The following ARID4A variants were observed in gnomAD, a reference collection of about 807,000 sequenced individuals.
ARID4A encodes the protein AT-rich interaction domain 4A.
ARID4A carries 39 observed loss-of-function variants against 148.6 expected under a neutral mutation model. The observed-to-expected ratio is 0.26, with a 90% CI of 0.20 to 0.34. The LOEUF (loss-of-function observed/expected upper bound fraction) is 0.34, where lower values mean the gene tolerates loss of function less well. ARID4A is among the 10% of genes least tolerant of loss of function. The pLI is 1.00. For missense variants in ARID4A, 1,265 were observed against 1,449.1 expected (o/e 0.87, Z 2.06); for synonymous variants, 475 against 481.2 (o/e 0.99, Z 0.17).
At chr14:58,370,954 A>G (rs1176388819) in intron 23 of ARID4A, among the ~76,000 whole-genome samples, 2 of 152,058 alleles carry the variant, frequency 1.3e-5, no homozygotes, top group African/African-American at 2.4e-5. Flanking sequence ...TGTTTTTATA[A>G]TGAGTTATTA....
chr14:58,304,363 A>G (rs985338082), intron 3 of ARID4A, among the ~76,000 whole-genome samples: 3 of 152,194 alleles, frequency 2.0e-5, no homozygotes, highest in Non-Finnish European at 4.4e-5. Flanking sequence ...CTTACCATAC[A>G]TTACCTAGAT....
intron 11 of ARID4A, among the ~76,000 whole-genome samples, chr14:58,330,695 A>C (rs1459701772): frequency 2.0e-5 from 3 of 152,200 alleles, no homozygotes; most frequent in Admixed American, 1.3e-4. Flanking sequence ...GGTTAAAAAA[A>C]ATCCTATCCA....
chr14:58,366,450 A>C (rs550125839), intron 22 of ARID4A, among the ~76,000 whole-genome samples: 1 of 152,330 alleles, frequency 6.6e-6, no homozygotes, highest in East Asian at 1.9e-4. Flanking sequence ...GAAGGTCTCC[A>C]TTAAGAAGCC....
chr14:58,364,217 T>G lies in ARID4A; in HGVS notation c.2128T>G (p.Leu710Val). 3 of 1,489,432 alleles carry G rather than the reference T, an allele frequency of 2.0e-6. No homozygotes were observed. The highest frequency in any genetic ancestry group is 2.7e-6 in the Non-Finnish European group (3 of 1,120,712). 92.3% of individuals were successfully genotyped at this position (1,489,432 alleles called of 1,614,324 possible). A position where few individuals can be genotyped will look rare whatever the true frequency, so the allele number is the denominator to read the frequency against. ...AACAGAAGATGCTTTAGAAAAGAAT[T>G]TAATAAATGAAGAACTTTCTCTTAA... ...SETEDALEKN[L>V]INEELSLKDE... Residue 710 changes from leucine (L) to valine (V), a missense_variant, in exon 20 of 24, where the codon TTA becomes GTA. Physicochemically the swap from Leu to Val is conservative, Grantham distance 32. This residue lies in a region of ARID4A where 666 missense variants were observed against 730.9 expected (regional missense o/e 0.91). Transcript: ENST00000355431.
intron 17 of ARID4A, among the ~76,000 whole-genome samples, chr14:58,357,509 A>G (rs186666701): frequency 2.3e-4 from 35 of 152,182 alleles, no homozygotes; most frequent in African/African-American, 7.0e-4. Flanking sequence ...AGTTTGTCCA[A>G]CCTGTGGCCC....
chr14:58,299,777 T>C (rs1164944031), intron 1 of ARID4A, 21 bp from the exon 2 acceptor site: 1 of 1,600,742 alleles, frequency 6.2e-7, no homozygotes, highest in Non-Finnish European at 8.6e-7. Context: ...TGTCTGTGCC[T>C]GTCTTTCCCC....
rs556115866 is a variant in ARID4A at position 58,359,086 on chromosome 14, T to C, written c.1854-46T>C. 214 of 1,527,022 alleles carry C rather than the reference T, an allele frequency of 1.4e-4. 1 individual carries two copies. The South Asian group carries it at 2.5e-3, about 18-fold the overall frequency. The allele number at this position is 1,527,022 out of a possible 1,614,324, so 94.6% of individuals were successfully genotyped here. On this transcript the variant is annotated intron_variant, in intron 17 of 23. Coordinates refer to ENST00000355431, the MANE Select transcript of ARID4A (RefSeq NM_002892.4). ...TGAATACATTTCAAAAAGGTTATAATGTATAAAGTTTGTACAAACTCTTTT... is the reference window on the plus strand; with the variant it reads ...TGAATACATTTCAAAAAGGTTATAACGTATAAAGTTTGTACAAACTCTTTT...
chr14:58,328,367 A>T, intron 9 of ARID4A, 51 bp downstream of exon 9: 1 of 1,227,276 alleles, frequency 8.1e-7, no homozygotes. Context: ...AAAAAAATAG[A>T]ATTACAATGA....
chr14:58,359,107 C>CTTTTTTT, intron 17 of ARID4A, 25 bp from the exon 18 acceptor site: 3 of 1,298,532 alleles, frequency 2.3e-6, no homozygotes, highest in Non-Finnish European at 3.1e-6. Context: ...TGTACAAACT[C>CTTTTTTT]TTTTTTTTTT....
At chr14:58,336,891 TTTTC>T (rs2140208469) in intron 11 of ARID4A, among the ~76,000 whole-genome samples, 1 of 151,708 alleles carries the variant, frequency 6.6e-6, no homozygotes, top group South Asian at 2.1e-4. Flanking sequence ...TTCTTTTTTC[TTTTC>T]TTTTTTTTTT....
chr14:58,306,292 C>T (rs1026874278), intron 5 of ARID4A, among the ~76,000 whole-genome samples, 180 bp downstream of exon 5: 2 of 152,216 alleles, frequency 1.3e-5, no homozygotes, highest in South Asian at 4.1e-4. Context: ...TTATCTCTTA[C>T]AGTAAGTTGG....
intron 12 of ARID4A, among the ~76,000 whole-genome samples, chr14:58,345,183 T>C (rs1188625335): frequency 6.6e-6 from 1 of 152,192 alleles, no homozygotes; most frequent in African/African-American, 2.4e-5. Flanking sequence ...CTGTCTAGTT[T>C]TGGATTTTAA....
At chr14:58,316,578 T>TTTTG (rs769449555) in intron 5 of ARID4A, among the ~76,000 whole-genome samples, 16 of 151,886 alleles carry the variant, frequency 1.1e-4, no homozygotes, top group African/African-American at 3.6e-4. Flanking sequence ...AGTAGTACGA[T>TTTTG]TTTGTTTGTT....
intron 18 of ARID4A, among the ~76,000 whole-genome samples, chr14:58,360,304 C>T (rs1009749325): frequency 6.6e-6 from 1 of 152,200 alleles, no homozygotes; most frequent in Non-Finnish European, 1.5e-5. Flanking sequence ...GAACTAACCA[C>T]TCTGCTGTGG....
Position 58,364,431 on chromosome 14 carries a change from A to T in ARID4A, c.2342A>T (p.Glu781Val), listed in dbSNP as rs754571344. The T allele has an allele frequency of 3.1e-6, 5 of 1,613,160 alleles. No homozygotes were observed. The highest frequency in any genetic ancestry group is 1.1e-5 in the South Asian group (1 of 90,758). ...IFGNKMEKTE[E>V]VKKEAEKSPK... Reference sequence around the variant, plus strand: ...GGGAACAAAATGGAAAAAACAGAAGAAGTTAAGAAAGAAGCCGAAAAATCT... The same window carrying T: ...GGGAACAAAATGGAAAAAACAGAAGTAGTTAAGAAAGAAGCCGAAAAATCT... The change falls in exon 20 of 24, where the codon GAA becomes GTA. Residue 781 changes from glutamate to valine, a missense_variant. Physicochemically the swap from Glu to Val is moderately radical, Grantham distance 121. Around this residue, in one of 9 missense-constraint regions of ARID4A, gnomAD observed 666 missense variants for 730.9 expected, o/e 0.91. Coordinates refer to ENST00000355431, the MANE Select transcript of ARID4A (RefSeq NM_002892.4).
chr14:58,342,957 A>G (rs185071186), intron 11 of ARID4A, among the ~76,000 whole-genome samples: 1 of 152,032 alleles, frequency 6.6e-6, no homozygotes, highest in Non-Finnish European at 1.5e-5. Flanking sequence ...TGAAGAGAGA[A>G]TATTACGATT....
chr14:58,318,438 T>TA, intron 5 of ARID4A, 104 bp from the exon 6 acceptor site: 2 of 1,119,860 alleles, frequency 1.8e-6, no homozygotes, highest in Non-Finnish European at 2.6e-6. Flanking sequence ...TAATGGTTCT[T>TA]ACAAATATTA....
At chr14:58,330,826 T>G (rs2033477830) in intron 11 of ARID4A, among the ~76,000 whole-genome samples, 1 of 152,220 alleles carries the variant, frequency 6.6e-6, no homozygotes, top group South Asian at 2.1e-4. Flanking sequence ...ATGCATATAA[T>G]TGTAGGAAAT....
rs890974425 is a variant in ARID4A at position 58,373,401 on chromosome 14, GT to G, written c.*1422del. 1.1e-3 allele frequency: 201 copies of G among 175,242 alleles called. No individual in the cohort carries two copies. The highest frequency in any genetic ancestry group is 2.1e-3 in the African/African-American group (89 of 41,514). The allele number at this position is 175,242 out of a possible 1,614,324, so 10.9% of individuals were successfully genotyped here. ...AATTCATGTTTGTACATTGAAAGGG[GT>G]TTTTTTTTTAAACCTCCTTTTCTGT... is the stretch of plus-strand genomic sequence containing the variant. On this transcript the variant is annotated 3_prime_UTR_variant, in exon 24 of 24. Coordinates refer to ENST00000355431, the MANE Select transcript of ARID4A (RefSeq NM_002892.4).
Sources: allele counts gnomAD v4.1 joint callset (sites outside exome capture counted in the v4.1 genomes callset), GRCh38; gene constraint gnomAD v4.1.1; regional missense constraint gnomAD v4.1.1; transcripts MANE v1.5; gene names NCBI Gene and HGNC (gene_info 2026-07-23, HGNC 2026-07-21).